The following ELMO1 variants were observed in gnomAD, a reference collection of about 807,000 sequenced individuals.
ELMO1 encodes the protein engulfment and cell motility protein 1.
Under a neutral mutation model 98.9 loss-of-function variants are expected in ELMO1, and 26 were observed. The observed-to-expected ratio is 0.26, with a 90% CI of 0.19 to 0.36. The LOEUF (loss-of-function observed/expected upper bound fraction) is 0.36. Among genes scored for constraint, ELMO1 ranks in the 10% least tolerant of loss-of-function variants. The pLI is 1.00. For synonymous variants in ELMO1, 346 were observed against 346.0 expected (o/e 1.00, Z 0.00); for missense variants, 627 against 935.2 (o/e 0.67, Z 4.30).
At chr7:37,046,382 C>G (rs1200312308) in intron 15 of ELMO1, among the ~76,000 whole-genome samples, 1 of 152,168 alleles carries the variant, frequency 6.6e-6, no homozygotes, top group African/African-American at 2.4e-5. Context: ...AGATACTAGT[C>G]CTCAGTAATG....
intron 7 of ELMO1, among the ~76,000 whole-genome samples, chr7:37,238,259 T>C (rs762580910): frequency 6.6e-6 from 1 of 152,210 alleles, no homozygotes. Flanking sequence ...TAAATAGATA[T>C]TGCATGTCTA....
chr7:36,952,858 T>C (rs1788086181), intron 16 of ELMO1, among the ~76,000 whole-genome samples: 1 of 152,128 alleles, frequency 6.6e-6, no homozygotes, highest in Non-Finnish European at 1.5e-5. Context: ...GACAGACCTC[T>C]TTGTTATTCC....
At chr7:37,396,193 C>T (rs1436497055) in intron 1 of ELMO1, among the ~76,000 whole-genome samples, 1 of 152,018 alleles carries the variant, frequency 6.6e-6, no homozygotes, top group Non-Finnish European at 1.5e-5. Flanking sequence ...TTTGAGCCTC[C>T]TTTCTTCCTA....
At chr7:37,058,086 A>T (rs1419247732) in intron 15 of ELMO1, among the ~76,000 whole-genome samples, 1 of 152,238 alleles carries the variant, frequency 6.6e-6, no homozygotes, top group African/African-American at 2.4e-5. Flanking sequence ...AGGTAAGTGC[A>T]TGCATGTACA....
At chr7:37,369,895 A>C (rs1802047313) in intron 1 of ELMO1, among the ~76,000 whole-genome samples, 1 of 152,138 alleles carries the variant, frequency 6.6e-6, no homozygotes, top group Admixed American at 6.5e-5. Context: ...TCTCCCTCTG[A>C]CGTCTCCCTA....
At chr7:37,216,811 T>A in intron 10 of ELMO1, 116 bp from the exon 11 acceptor site, 3 of 1,022,608 alleles carry the variant, frequency 2.9e-6, no homozygotes, top group Non-Finnish European at 4.5e-6. Context: ...GCAGTATTTC[T>A]TATGAAATAA....
At chr7:37,174,936 C>A (rs952994235) in intron 13 of ELMO1, among the ~76,000 whole-genome samples, 1 of 152,064 alleles carries the variant, frequency 6.6e-6, no homozygotes, top group African/African-American at 2.4e-5. Flanking sequence ...CATAAAGCGA[C>A]ATTTTCTTAG....
chr7:37,435,939 A>G (rs1340611315), intron 1 of ELMO1, among the ~76,000 whole-genome samples: 1 of 152,170 alleles, frequency 6.6e-6, no homozygotes, highest in East Asian at 1.9e-4. Flanking sequence ...ACTCAACACA[A>G]TGATCCAGTG....
At chr7:37,426,181 T>A (rs1385302641) in intron 1 of ELMO1, among the ~76,000 whole-genome samples, 1 of 134,644 alleles carries the variant, frequency 7.4e-6, no homozygotes, top group Non-Finnish European at 1.5e-5. Context: ...TGAGATGGAG[T>A]CTCATTCTGT....
rs1466679633 is a variant in ELMO1 at position 36,855,529 on chromosome 7, G to GGCA, written c.*19_*21dup. The GGCA allele has an allele frequency of 6.2e-7, 1 of 1,613,400 alleles. No homozygotes were observed. The highest frequency in any genetic ancestry group is 2.2e-5 in the East Asian group (1 of 44,882). ...AGCTAGGTGTTCCAGTTTTGGAAGGGGCATGTCTGGGCCCGGCCACTTCAG... is the reference window on the plus strand; with the variant it reads ...AGCTAGGTGTTCCAGTTTTGGAAGGGGCAGCATGTCTGGGCCCGGCCACTTCAG... On this transcript the variant is annotated 3_prime_UTR_variant, in exon 22 of 22. Transcript: ENST00000310758. This position sits in a 1 kb window ranked among gnomAD's most constrained non-coding sequence, Gnocchi z 4.2.
At chr7:37,323,196 G>A (rs1799614515) in intron 2 of ELMO1, among the ~76,000 whole-genome samples, 1 of 152,186 alleles carries the variant, frequency 6.6e-6, no homozygotes, top group African/African-American at 2.4e-5. Context: ...AATGAAGTAT[G>A]CCTTTCCATA....
intron 14 of ELMO1, among the ~76,000 whole-genome samples, chr7:37,123,905 C>G (rs746769299): frequency 6.6e-6 from 1 of 152,110 alleles, no homozygotes; most frequent in Admixed American, 6.5e-5. Context: ...ACTGGCAAAC[C>G]GAATCCAGCA....
At chr7:37,309,548 G>C (rs980660558) in intron 4 of ELMO1, among the ~76,000 whole-genome samples, 2 of 152,154 alleles carry the variant, frequency 1.3e-5, no homozygotes, top group Admixed American at 6.5e-5. Context: ...ATCAAATCCA[G>C]AGTCCTTCAC....
intron 4 of ELMO1, among the ~76,000 whole-genome samples, chr7:37,274,258 A>G (rs1349604550): frequency 6.6e-6 from 1 of 152,252 alleles, no homozygotes; most frequent in Non-Finnish European, 1.5e-5. Context: ...AATACTAACA[A>G]CAGAGTTCTA....
rs185925345 is a variant in ELMO1, at chr7:37,427,654, G to A, written c.-74+21021C>T. 2.3e-3 allele frequency among the ~76,000 whole-genome samples: 350 copies of A among 152,296 alleles called. 2 individuals are homozygous for A. Among genetic ancestry groups the A allele is most frequent in the South Asian group, 0.013 (65 of 4,826 alleles). ...AGCCTAAGTGGCAGTGGATAATATC[G>A]CTATTTTTGCTTTTAACTGCAATTA... is the stretch of plus-strand genomic sequence containing the variant. On this transcript the variant is annotated intron_variant, in intron 1 of 21. Coordinates refer to ENST00000310758, the MANE Select transcript of ELMO1 (RefSeq NM_014800.11).
At chr7:37,411,670 T>C (rs1213362905) in intron 1 of ELMO1, among the ~76,000 whole-genome samples, 1 of 152,170 alleles carries the variant, frequency 6.6e-6, no homozygotes, top group Non-Finnish European at 1.5e-5. Context: ...AAGTGTATTG[T>C]TATGTTGAGA....
At chr7:36,917,906 A>G (rs1195337225) in intron 16 of ELMO1, among the ~76,000 whole-genome samples, 2 of 151,622 alleles carry the variant, frequency 1.3e-5, no homozygotes, top group Non-Finnish European at 2.9e-5. Flanking sequence ...AAATGTGGGA[A>G]GTTTATACAA....
At chr7:37,404,988 C>G (rs1803694058) in intron 1 of ELMO1, among the ~76,000 whole-genome samples, 1 of 152,118 alleles carries the variant, frequency 6.6e-6, no homozygotes, top group Non-Finnish European at 1.5e-5. Flanking sequence ...ACTATGGGCT[C>G]TGAAATTTGC....
chr7:37,230,492 T>C (rs1481102934), intron 8 of ELMO1, among the ~76,000 whole-genome samples: 4 of 152,182 alleles, frequency 2.6e-5, no homozygotes, highest in Non-Finnish European at 4.4e-5. Flanking sequence ...GCCCACTCAC[T>C]ATGTGACCTC....
Sources: gnomAD v4.1 joint callset for allele counts (sites outside exome capture counted in the v4.1 genomes callset) on GRCh38, gnomAD v4.1.1 for gene constraint, Gnocchi (gnomAD v3.1) non-coding constraint, MANE v1.5 for transcripts, NCBI Gene and HGNC (gene_info 2026-07-23, HGNC 2026-07-21) for gene names.